Variants in ANKFN1 observed in about 807,000 individuals in gnomAD.
ANKFN1 encodes the protein ankyrin repeat and fibronectin type III domain containing 1.
A neutral mutation model predicts 108.7 loss-of-function variants in ANKFN1; 74 were observed. That is an observed-to-expected ratio of 0.68 (90% CI 0.56 to 0.83). The LOEUF is 0.83. Ranked by LOEUF, ANKFN1 falls within the 40% of genes least tolerant of loss-of-function variation. The pLI is 0.00. For synonymous variants in ANKFN1, 547 were observed against 516.2 expected, an observed-to-expected ratio of 1.06 and a Z score of -0.81; for missense variants, 1,505 against 1,382.3, an observed-to-expected ratio of 1.09 and a Z score of -1.41.
At chr17:56,091,595 G>A (rs1905421870) in intron 4 of ANKFN1, among the ~76,000 whole-genome samples, 1 of 151,362 alleles carries the variant, frequency 6.6e-6, no homozygotes, top group African/African-American at 2.4e-5. Context: ...ATCAAGAAAT[G>A]TTTTTCTCTG....
intron 8 of ANKFN1, among the ~76,000 whole-genome samples, chr17:56,378,104 C>T (rs2046991728): frequency 6.6e-6 from 1 of 152,202 alleles, no homozygotes; most frequent in Admixed American, 6.5e-5. Context: ...AAGCATCTCT[C>T]CTTGCAGAAA....
chr17:56,417,038 A>G (rs2048260365), intron 8 of ANKFN1, among the ~76,000 whole-genome samples: 1 of 150,910 alleles, frequency 6.6e-6, no homozygotes. Flanking sequence ...TAGAGAATAG[A>G]AGGATTGTTA....
chr17:56,182,553 T>C (rs1213438033), intron 1 of ANKFN1, among the ~76,000 whole-genome samples: 2 of 152,136 alleles, frequency 1.3e-5, no homozygotes, highest in African/African-American at 4.8e-5. Context: ...AGAAGAATCA[T>C]TTGAAACTAG....
At chr17:56,119,198 T>TA (rs1258806333) in intron 4 of ANKFN1, among the ~76,000 whole-genome samples, 2 of 151,706 alleles carry the variant, frequency 1.3e-5, no homozygotes, top group East Asian at 3.9e-4. Context: ...AGGGGAAGGG[T>TA]AAAAAAATGA....
chr17:56,118,573 A>G (rs1906414277), intron 4 of ANKFN1, among the ~76,000 whole-genome samples: 1 of 152,102 alleles, frequency 6.6e-6, no homozygotes, highest in Admixed American at 6.6e-5. Flanking sequence ...TTTATTAAGG[A>G]CTTATGATAT....
intron 3 of ANKFN1, among the ~76,000 whole-genome samples, chr17:56,246,647 C>A (rs2144032836): frequency 6.6e-6 from 1 of 151,826 alleles, no homozygotes; most frequent in East Asian, 1.9e-4. Context: ...CTGGAAATTG[C>A]CAATCAGAAC....
Position 56,466,559 on chromosome 17 carries a change from G to A in ANKFN1, c.1761G>A (p.Leu587=). The A allele has an allele frequency of 6.2e-7, 1 of 1,610,210 alleles. No individual in the cohort carries two copies. Among genetic ancestry groups the A allele is most frequent in the Non-Finnish European group, 8.5e-7 (1 of 1,178,056 alleles). ...AGCCAACAGCTTTAGACATTCTACT[G>A]ATAACCATCCAGGTATGTAGTTTTT... The part of the protein sequence containing the change: ...PEEPTALDIL[L]ITIQDILSYH... Residue 587 remains leucine (L), a synonymous_variant, in exon 15 of 21, where the codon CTG becomes CTA. Transcript: ENST00000682825.
At chr17:56,220,381 C>T (rs1445889530) in intron 2 of ANKFN1, among the ~76,000 whole-genome samples, 3 of 152,120 alleles carry the variant, frequency 2.0e-5, no homozygotes, top group African/African-American at 7.2e-5. Context: ...CTTCTGGATG[C>T]GGTGGCTCAC....
intron 4 of ANKFN1, among the ~76,000 whole-genome samples, chr17:56,345,689 T>C (rs942924492): frequency 6.6e-6 from 1 of 152,216 alleles, no homozygotes; most frequent in African/African-American, 2.4e-5. Context: ...CATAAATGTC[T>C]TCTTTTGAGA....
At chr17:56,100,988 A>T (rs1905635852) in intron 4 of ANKFN1, among the ~76,000 whole-genome samples, 1 of 152,136 alleles carries the variant, frequency 6.6e-6, no homozygotes, top group Non-Finnish European at 1.5e-5. Context: ...ATTTGGAGGT[A>T]GGGCCTTTGG....
intron 8 of ANKFN1, among the ~76,000 whole-genome samples, chr17:56,432,954 G>C (rs1277965120): frequency 6.6e-6 from 1 of 151,934 alleles, no homozygotes; most frequent in Admixed American, 6.6e-5. Context: ...TGATATGATG[G>C]TAAATGCTTA....
intron 4 of ANKFN1, among the ~76,000 whole-genome samples, chr17:56,123,628 G>A (rs1336858477): frequency 2.0e-5 from 3 of 152,210 alleles, no homozygotes; most frequent in South Asian, 2.1e-4. Context: ...ACATTTAAGT[G>A]TGAAATCAGT....
chr17:56,161,392 A>G (rs1279696668), intron 1 of ANKFN1, among the ~76,000 whole-genome samples: 1 of 152,170 alleles, frequency 6.6e-6, no homozygotes, highest in African/African-American at 2.4e-5. Flanking sequence ...CATTATTTCC[A>G]TTTCGTATCC....
At chr17:56,226,647 G>A (rs1194199183) in intron 2 of ANKFN1, among the ~76,000 whole-genome samples, 1 of 152,090 alleles carries the variant, frequency 6.6e-6, no homozygotes, top group Non-Finnish European at 1.5e-5. Flanking sequence ...CCATTTCATG[G>A]ATTTATCATA....
intron 1 of ANKFN1, among the ~76,000 whole-genome samples, chr17:56,167,316 C>CATATAT (rs1469508922): frequency 7.1e-3 from 538 of 75,676 alleles, no homozygotes; most frequent in African/African-American, 0.013. Flanking sequence ...CACACACACA[C>CATATAT]ACATATATAT....
Position 56,307,098 on chromosome 17 carries a change from A to C in ANKFN1, c.54-19123A>C, listed in dbSNP as rs563091951. 3.3e-4 allele frequency among the ~76,000 whole-genome samples: 50 copies of C among 152,320 alleles called. 2 individuals carry two copies. The South Asian group carries it at 0.01, about 32-fold the overall frequency. ...TAATTCAAGATGGATTAAAGACTAA[A>C]TGTTAGACCTAAAACCATAAAAACC... On this transcript the variant is annotated intron_variant, in intron 3 of 20. Transcript: ENST00000682825.
chr17:56,173,574 C>T (rs926320557), intron 1 of ANKFN1, among the ~76,000 whole-genome samples: 1 of 152,094 alleles, frequency 6.6e-6, no homozygotes, highest in Non-Finnish European at 1.5e-5. Flanking sequence ...GGTCCCACCC[C>T]AGCCTTCCAA....
At chr17:56,171,968 C>A (rs2143573203) in intron 1 of ANKFN1, among the ~76,000 whole-genome samples, 1 of 151,976 alleles carries the variant, frequency 6.6e-6, no homozygotes, top group East Asian at 1.9e-4. Flanking sequence ...TAATCCCCAG[C>A]ATCCTTTGGT....
chr17:56,513,860 G>A lies in ANKFN1; in HGVS notation c.*2591G>A, dbSNP rs549754926. 2.6e-5 allele frequency among the ~76,000 whole-genome samples: 4 copies of A among 152,288 alleles called. No homozygotes were observed. The South Asian group carries it at 8.3e-4, about 32-fold the overall frequency. Reference sequence around the variant, plus strand: ...AACATTCTTAAATAAAAGTGGGTATGTTGTAGCTTCCATAATTAGCTATTA... The same window carrying A: ...AACATTCTTAAATAAAAGTGGGTATATTGTAGCTTCCATAATTAGCTATTA... On this transcript the variant is annotated 3_prime_UTR_variant, in exon 21 of 21. Coordinates refer to ENST00000682825, the MANE Select transcript of ANKFN1 (RefSeq NM_001370326.1).
Sources: allele counts gnomAD v4.1 joint callset (sites outside exome capture counted in the v4.1 genomes callset), GRCh38; gene constraint gnomAD v4.1.1; transcripts MANE v1.5; gene names NCBI Gene and HGNC (gene_info 2026-07-23, HGNC 2026-07-21).